AR: variants seen among roughly 807,000 people sequenced by gnomAD.
AR encodes the protein dihydrotestosterone receptor.
Under a neutral mutation model 53.9 loss-of-function variants are expected in AR, and 8 were observed. That is an observed-to-expected ratio of 0.15 (90% CI 0.09 to 0.27). The LOEUF is 0.27. AR is among the 10% of genes least tolerant of loss of function. AR has a pLI of 1.00. For synonymous variants in AR, 359 were observed against 316.4 expected, an observed-to-expected ratio of 1.13 and a Z score of -1.43; for missense variants, 639 against 742.5, an observed-to-expected ratio of 0.86 and a Z score of 1.62.
intron 1 of AR, among the ~76,000 whole-genome samples, chrX:67,631,263 A>T (rs781045963): frequency 1.8e-5 from 2 of 111,781 alleles, no homozygotes; most frequent in South Asian, 3.8e-4. Flanking sequence ...TCTCCCCGTC[A>T]CTTTCAGGTA....
Position 67,545,753 on chromosome X carries a change from T to C in AR, c.607T>C (p.Ser203Pro), listed in dbSNP as rs1929696539. The change falls in exon 1 of 8, where the codon TCC becomes CCC. Residue 203 changes from serine to proline, a missense_variant. By Grantham distance (74) the Ser-to-Pro change is moderately conservative. This residue lies in a region of AR where 423 missense variants were observed against 377.0 expected (regional missense o/e 1.12). Coordinates refer to ENST00000374690, the MANE Select transcript of AR (RefSeq NM_000044.6). ...TCAGCAACAGCAGCAGGAAGCAGTA[T>C]CCGAAGGCAGCAGCAGCGGGAGAGC... ...LLQQQQQEAV[S>P]EGSSSGRARE... The C allele has an allele frequency of 1.7e-6, 2 of 1,211,012 alleles. No homozygotes were observed. The highest frequency in any genetic ancestry group is 1.8e-5 in the South Asian group (1 of 56,847).
At chrX:67,691,321 C>G (rs2075994435) in intron 3 of AR, among the ~76,000 whole-genome samples, 1 of 112,296 alleles carries the variant, frequency 8.9e-6, no homozygotes, top group Non-Finnish European at 1.9e-5. Flanking sequence ...TTTCCTTGGT[C>G]TAGGCCAGTG....
rs1305594405 is a variant in AR at position 67,729,322 on chromosome X, C to T, written c.*5481C>T. ...GATTGACACTTCTGTTGCCTAGGAC[C>T]TCCCAACTCAACCATTTCTAGGTGA... is the stretch of plus-strand genomic sequence containing the variant. On this transcript the variant is annotated 3_prime_UTR_variant, in exon 8 of 8. Transcript: ENST00000374690. 1 of 175,236 alleles carries T rather than the reference C, an allele frequency of 5.7e-6. No individual in the cohort carries two copies. The highest frequency in any genetic ancestry group is 1.1e-5 in the Non-Finnish European group (1 of 91,378). The allele number at this position is 175,236 out of a possible 1,213,427, so 14.4% of individuals were successfully genotyped here.
At chrX:67,569,141 A>C (rs1431894873) in intron 1 of AR, 1 of 679,248 alleles carries the variant, frequency 1.5e-6, no homozygotes, top group Admixed American at 3.0e-5. Flanking sequence ...CATCTAGACT[A>C]GCTTGCTTGA....
intron 1 of AR, among the ~76,000 whole-genome samples, chrX:67,596,070 TA>T (rs1236197002): frequency 9.1e-6 from 1 of 109,735 alleles, no homozygotes; most frequent in African/African-American, 3.3e-5. Context: ...GATCTGGTTG[TA>T]TAGCACCTCC....
At chrX:67,704,367 G>T in intron 3 of AR, among the ~76,000 whole-genome samples, 1 of 112,177 alleles carries the variant, frequency 8.9e-6, no homozygotes, top group Non-Finnish European at 1.9e-5. Context: ...ATCTCATTGT[G>T]GTTTTGATTT....
chrX:67,596,147 A>G (rs1171269440), intron 1 of AR, among the ~76,000 whole-genome samples: 2 of 110,727 alleles, frequency 1.8e-5, no homozygotes, highest in Non-Finnish European at 3.8e-5. Flanking sequence ...CTTCTGCCAT[A>G]ATTTTAAGTT....
chrX:67,640,316 A>G lies in AR; in HGVS notation c.1617-2940A>G, dbSNP rs752412428. Among the ~76,000 whole-genome samples, 53 of 111,233 alleles carry G rather than the reference A, an allele frequency of 4.8e-4. 1 individual carries two copies. The South Asian group carries it at 0.02, about 42-fold the overall frequency. On this transcript the variant is annotated intron_variant, in intron 1 of 7. Coordinates refer to ENST00000374690, the MANE Select transcript of AR (RefSeq NM_000044.6). ...TGTGTCTCTGCCAGGTTTTGGTATC[A>G]GGATGATGCTGGCCCATAAAATGAG...
At chrX:67,640,797 TATC>T (rs1408829825) in intron 1 of AR, among the ~76,000 whole-genome samples, 2 of 111,474 alleles carry the variant, frequency 1.8e-5, no homozygotes, top group African/African-American at 3.3e-5. Flanking sequence ...TAACCATCAT[TATC>T]ATCATCAGCA....
At chrX:67,618,834 C>T (rs1302705518) in intron 1 of AR, among the ~76,000 whole-genome samples, 1 of 110,873 alleles carries the variant, frequency 9.0e-6, no homozygotes, top group Non-Finnish European at 1.9e-5. Flanking sequence ...AGCAAAGCTA[C>T]AGGGGCATGA....
chrX:67,633,550 A>G (rs902701488), intron 1 of AR, among the ~76,000 whole-genome samples: 1 of 112,181 alleles, frequency 8.9e-6, no homozygotes, highest in African/African-American at 3.2e-5. Context: ...CAAGGTAAAT[A>G]CTCAAGAGAA....
chrX:67,705,345 T>A (rs989942586), intron 3 of AR, among the ~76,000 whole-genome samples: 3 of 111,525 alleles, frequency 2.7e-5, no homozygotes, highest in African/African-American at 9.8e-5. Flanking sequence ...GTAGTTCTCC[T>A]TGAAGAGGTC....
chrX:67,699,317 G>T (rs187460897), intron 3 of AR, among the ~76,000 whole-genome samples: 1 of 111,820 alleles, frequency 8.9e-6, no homozygotes, highest in Non-Finnish European at 1.9e-5. Context: ...TGTAATTATT[G>T]CAGGATTCAG....
intron 1 of AR, among the ~76,000 whole-genome samples, chrX:67,569,214 G>T (rs184452184): frequency 7.6e-4 from 79 of 103,701 alleles, no homozygotes; most frequent in East Asian, 2.8e-3. Context: ...TTTGTGTGTG[G>T]GGGGGGGTTG....
At position 67,728,087 on chromosome X, in the gene AR, G is replaced by C. The variant is rs748920901; in HGVS notation, c.*4246G>C. On this transcript the variant is annotated 3_prime_UTR_variant, in exon 8 of 8. Coordinates refer to ENST00000374690, the MANE Select transcript of AR (RefSeq NM_000044.6). ...AAGATACCAAAATTCATAAGGGCAG[G>C]GGGGGAGCAAGCATTAGTGCCTCTT... The C allele has an allele frequency of 1.8e-4, 31 of 172,338 alleles. No homozygotes were observed. The East Asian group carries it at 2.1e-3, about 12-fold the overall frequency. 14.2% of individuals were successfully genotyped at this position (172,338 alleles called of 1,213,427 possible).
chrX:67,579,459 G>A (rs913351854), intron 1 of AR, among the ~76,000 whole-genome samples: 2 of 111,441 alleles, frequency 1.8e-5, no homozygotes, highest in Non-Finnish European at 3.8e-5. Flanking sequence ...TTCAGAAAAG[G>A]GTTGTGATGT....
intron 1 of AR, among the ~76,000 whole-genome samples, chrX:67,547,561 C>T (rs774983367): frequency 3.6e-5 from 4 of 111,780 alleles, no homozygotes; most frequent in Non-Finnish European, 7.5e-5. Flanking sequence ...TCCACAGCCC[C>T]CTACTTCAGG....
Position 67,721,897 on chromosome X carries a change from T to A in AR, c.2383T>A (p.Phe795Ile), listed in dbSNP as rs1162418613. The A allele has an allele frequency of 8.3e-7, 1 of 1,208,140 alleles. No individual in the cohort carries two copies. Among genetic ancestry groups the A allele is most frequent in the African/African-American group, 1.8e-5 (1 of 56,579 alleles). Residue 795 changes from phenylalanine (F) to isoleucine (I), a missense_variant, in exon 6 of 8, where the codon TTT becomes ATT. Phe to Ile is a conservative substitution (Grantham distance 21). Around this residue, in one of 5 missense-constraint regions of AR, gnomAD observed 95 missense variants for 196.4 expected, o/e 0.48. Transcript: ENST00000374690. ...CVRMRHLSQE[F>I]GWLQITPQEF... The stretch of plus-strand genomic sequence containing the variant: ...CCGAATGAGGCACCTCTCTCAAGAG[T>A]TTGGATGGCTCCAAATCACCCCCCA...
Position 67,728,778 on chromosome X carries a change from C to A in AR, c.*4937C>A, listed in dbSNP as rs1165178207. The A allele has an allele frequency of 3.2e-5, 5 of 154,980 alleles. No homozygotes were observed. Among genetic ancestry groups the A allele is most frequent in the Admixed American group, 1.7e-4 (2 of 11,595 alleles). 12.8% of individuals were successfully genotyped at this position (154,980 alleles called of 1,213,427 possible). ...GATTGATCAGTTAACTAAAAGTTTT[C>A]TCCCCTATTGGGTTTGACCCACAGG... On this transcript the variant is annotated 3_prime_UTR_variant, in exon 8 of 8. Transcript: ENST00000374690.
Sources: allele counts gnomAD v4.1 joint callset (sites outside exome capture counted in the v4.1 genomes callset), GRCh38; gene constraint gnomAD v4.1.1; regional missense constraint gnomAD v4.1.1; transcripts MANE v1.5; gene names NCBI Gene and HGNC (gene_info 2026-07-23, HGNC 2026-07-21).